Variants in CCNY observed in about 807,000 individuals in gnomAD.
The protein encoded by CCNY is cyclin Y, also known as cyclin-Y.
In CCNY, 19 loss-of-function variants were observed where a neutral mutation model predicts 42.8. The ratio of observed to expected loss-of-function variants is 0.44; its 90% CI spans 0.31 to 0.65. CCNY has a LOEUF of 0.65. CCNY is among the 30% of genes least tolerant of loss of function. CCNY has a pLI of 0.07. For synonymous variants in CCNY, 165 were observed against 162.7 expected, an observed-to-expected ratio of 1.01 and a Z score of -0.11; for missense variants, 370 against 437.3, an observed-to-expected ratio of 0.85 and a Z score of 1.37.
chr10:35,353,965 T>G (rs958147375), intron 1 of CCNY, among the ~76,000 whole-genome samples: 1 of 152,058 alleles, frequency 6.6e-6, no homozygotes, highest in African/African-American at 2.4e-5. Context: ...AGCTCTCAGG[T>G]GGGGCTGTAG....
At chr10:35,326,407 C>T (rs138681127) in intron 3 of CCNY, among the ~76,000 whole-genome samples, 2 of 152,194 alleles carry the variant, frequency 1.3e-5, no homozygotes, top group East Asian at 3.9e-4. Context: ...AGGATGGAAC[C>T]GAAGTGACTA....
chr10:35,375,528 A>G (rs2474528), intron 1 of CCNY, among the ~76,000 whole-genome samples: 66,480 of 152,046 alleles, frequency 0.44, 15,415 homozygotes, highest in African/African-American at 0.59. Context: ...ATGAGGTAAT[A>G]TATTCACAGG....
At chr10:35,474,162 C>T (rs1397785401) in intron 1 of CCNY, among the ~76,000 whole-genome samples, 5 of 152,208 alleles carry the variant, frequency 3.3e-5, no homozygotes, top group Non-Finnish European at 7.3e-5. Flanking sequence ...CGGAGTCTCG[C>T]TGACTGCTAG....
At chr10:35,536,664 G>T (rs1235349502) in intron 7 of CCNY, among the ~76,000 whole-genome samples, 1 of 152,166 alleles carries the variant, frequency 6.6e-6, no homozygotes, top group African/African-American at 2.4e-5. Context: ...TTATGTTTTA[G>T]CAAAGAAACT....
At chr10:35,271,764 C>A (rs1835171868) in intron 3 of CCNY, among the ~76,000 whole-genome samples, 1 of 152,182 alleles carries the variant, frequency 6.6e-6, no homozygotes, top group Non-Finnish European at 1.5e-5. Flanking sequence ...GCCCTCTGCC[C>A]CCCTTGGCAA....
At chr10:35,431,813 G>A (rs1838417886) in intron 1 of CCNY, among the ~76,000 whole-genome samples, 1 of 152,052 alleles carries the variant, frequency 6.6e-6, no homozygotes, top group South Asian at 2.1e-4. Context: ...GCCTTCTTAG[G>A]TTGGTTACTT....
At chr10:35,363,057 C>T (rs773692600) in intron 1 of CCNY, among the ~76,000 whole-genome samples, 22 of 144,674 alleles carry the variant, frequency 1.5e-4, no homozygotes, top group Non-Finnish European at 3.2e-4. Context: ...ACGCTCCTCA[C>T]TTCCCAGATG....
chr10:35,529,887 G>C (rs1300852630), intron 5 of CCNY, 86 bp from the exon 6 acceptor site: 1 of 1,134,966 alleles, frequency 8.8e-7, no homozygotes, highest in Non-Finnish European at 1.3e-6. Context: ...AAAAAAAAAA[G>C]TCATTGAATT....
chr10:35,348,296 A>C (rs752507897), intron 1 of CCNY, among the ~76,000 whole-genome samples: 1 of 152,124 alleles, frequency 6.6e-6, no homozygotes, highest in African/African-American at 2.4e-5. Context: ...CATTTCTCCT[A>C]TTTGGTGGTA....
intron 2 of CCNY, among the ~76,000 whole-genome samples, chr10:35,248,869 T>G (rs1471023421): frequency 6.6e-6 from 1 of 152,014 alleles, no homozygotes; most frequent in East Asian, 1.9e-4. Context: ...AAACTAACAC[T>G]TTGGTTTCCT....
intron 3 of CCNY, among the ~76,000 whole-genome samples, chr10:35,304,114 G>A (rs1005538808): frequency 3.3e-5 from 5 of 152,052 alleles, no homozygotes; most frequent in Admixed American, 2.6e-4. Context: ...ACCCCTCTTC[G>A]TCTTTCAGTA....
At chr10:35,441,441 C>T (rs1200495917) in intron 1 of CCNY, among the ~76,000 whole-genome samples, 1 of 152,170 alleles carries the variant, frequency 6.6e-6, no homozygotes, top group African/African-American at 2.4e-5. Context: ...TATTACTATG[C>T]TTTAGCTTAG....
intron 1 of CCNY, among the ~76,000 whole-genome samples, chr10:35,458,620 A>G (rs761490420): frequency 1.3e-5 from 2 of 152,212 alleles, no homozygotes; most frequent in African/African-American, 4.8e-5. Flanking sequence ...CCAGTGTGGG[A>G]GGAGGGAAGA....
At chr10:35,415,880 T>C (rs1272468992) in intron 1 of CCNY, among the ~76,000 whole-genome samples, 1 of 152,232 alleles carries the variant, frequency 6.6e-6, no homozygotes, top group African/African-American at 2.4e-5. Context: ...CAGTGCCCGC[T>C]CTGACTGCAC....
chr10:35,566,936 A>G (rs1841584417), intron 9 of CCNY, among the ~76,000 whole-genome samples: 1 of 150,720 alleles, frequency 6.6e-6, no homozygotes, highest in Non-Finnish European at 1.5e-5. Flanking sequence ...CTGGTCTAGA[A>G]CTCCTGACCT....
intron 3 of CCNY, among the ~76,000 whole-genome samples, chr10:35,268,745 G>A (rs946520205): frequency 3.0e-4 from 46 of 152,334 alleles, no homozygotes; most frequent in South Asian, 1.2e-3. Context: ...CACTACATGA[G>A]TGCCACCAAG....
chr10:35,492,880 T>A (rs1367633423), intron 2 of CCNY, among the ~76,000 whole-genome samples: 3 of 152,200 alleles, frequency 2.0e-5, no homozygotes, highest in Non-Finnish European at 4.4e-5. Context: ...TAGGTTTTTT[T>A]AGGCTCAGGT....
intron 1 of CCNY, among the ~76,000 whole-genome samples, chr10:35,469,554 CGGGAGATGGAGAGATGGACAGACA>C (rs375911122): frequency 0.049 from 7,353 of 151,468 alleles, 499 homozygotes; most frequent in African/African-American, 0.16. Flanking sequence ...AGAGGCAGAA[CGGGAGATGGAGAGATGGACAGACA>C]GGGAGATGGA....
intron 1 of CCNY, among the ~76,000 whole-genome samples, chr10:35,386,132 G>A (rs1837295945): frequency 6.6e-6 from 1 of 152,198 alleles, no homozygotes; most frequent in Non-Finnish European, 1.5e-5. Flanking sequence ...TCCTATAGAA[G>A]AGAGCTACTG....
Sources: allele counts gnomAD v4.1 joint callset (sites outside exome capture counted in the v4.1 genomes callset), GRCh38; gene constraint gnomAD v4.1.1; transcripts MANE v1.5; gene names NCBI Gene and HGNC (gene_info 2026-07-23, HGNC 2026-07-21).